Variants in FOXP2 observed in about 807,000 individuals in gnomAD.
FOXP2 encodes the protein forkhead box P2.
A neutral mutation model predicts 115.8 loss-of-function variants in FOXP2; 12 were observed. That is an observed-to-expected ratio of 0.10 (90% CI 0.07 to 0.17). The LOEUF is 0.17. Ranked by LOEUF, FOXP2 falls within the 10% of genes least tolerant of loss-of-function variation. The pLI is 1.00. For missense variants in FOXP2, 629 were observed against 843.5 expected, an observed-to-expected ratio of 0.75 and a Z score of 3.15; for synonymous variants, 328 against 297.7, an observed-to-expected ratio of 1.10 and a Z score of -1.05.
At chr7:114,187,439 A>T (rs1160435918) in intron 1 of FOXP2, among the ~76,000 whole-genome samples, 4 of 152,124 alleles carry the variant, frequency 2.6e-5, no homozygotes, top group Non-Finnish European at 5.9e-5. Context: ...TCTGTCTCAG[A>T]TTTCAGTACC....
At chr7:114,530,274 T>G (rs1446505003) in intron 2 of FOXP2, among the ~76,000 whole-genome samples, 15 of 151,956 alleles carry the variant, frequency 9.9e-5, no homozygotes, top group Admixed American at 9.9e-4. Context: ...AGTGTTTTTC[T>G]CAGAGATGAA....
At chr7:114,229,334 C>T (rs1794815878) in intron 1 of FOXP2, among the ~76,000 whole-genome samples, 2 of 151,480 alleles carry the variant, frequency 1.3e-5, no homozygotes, top group Admixed American at 6.6e-5. Context: ...TTTCAGTACT[C>T]ACTTTCAATA....
intron 1 of FOXP2, among the ~76,000 whole-genome samples, chr7:114,182,482 G>T (rs1307714017): frequency 6.6e-6 from 1 of 151,886 alleles, no homozygotes; most frequent in Non-Finnish European, 1.5e-5. Flanking sequence ...CTCTATTTTA[G>T]GACTTGTTTT....
chr7:114,563,062 TC>T (rs1800830746), intron 3 of FOXP2, among the ~76,000 whole-genome samples: 2 of 152,178 alleles, frequency 1.3e-5, no homozygotes, highest in Admixed American at 6.5e-5. Flanking sequence ...GCAGGGACAC[TC>T]CCTTTTATAA....
At chr7:114,364,924 G>A (rs1350327570) in intron 2 of FOXP2, among the ~76,000 whole-genome samples, 1 of 152,154 alleles carries the variant, frequency 6.6e-6, no homozygotes, top group Non-Finnish European at 1.5e-5. Flanking sequence ...TTGGAAGTCT[G>A]TGTGCTTTAA....
chr7:114,215,213 T>C (rs1418270113), intron 1 of FOXP2, among the ~76,000 whole-genome samples: 1 of 152,164 alleles, frequency 6.6e-6, no homozygotes, highest in Non-Finnish European at 1.5e-5. Flanking sequence ...ACACAAATAC[T>C]TCTTTTGTTG....
At chr7:114,091,314 T>C (rs1363576985) in intron 1 of FOXP2, among the ~76,000 whole-genome samples, 4 of 151,838 alleles carry the variant, frequency 2.6e-5, no homozygotes. Flanking sequence ...AGAGAAGATT[T>C]AGATTTCTTA....
intron 8 of FOXP2, among the ~76,000 whole-genome samples, chr7:114,650,856 T>G (rs1167161334): frequency 6.6e-6 from 1 of 152,066 alleles, no homozygotes; most frequent in Non-Finnish European, 1.5e-5. Context: ...GAGGTTTTGT[T>G]GTTATGATCA....
At chr7:114,151,508 G>A (rs1792527726) in intron 1 of FOXP2, among the ~76,000 whole-genome samples, 1 of 151,866 alleles carries the variant, frequency 6.6e-6, no homozygotes, top group Non-Finnish European at 1.5e-5. Flanking sequence ...CAAGGTTTTT[G>A]TTCTTAATCA....
At chr7:114,629,674 A>AT in intron 4 of FOXP2, 131 bp from the exon 5 acceptor site, 1 of 1,601,592 alleles carries the variant, frequency 6.2e-7, no homozygotes, top group Non-Finnish European at 8.5e-7. Context: ...AATCCAATGT[A>AT]TATTTTTTGT....
intron 1 of FOXP2, among the ~76,000 whole-genome samples, chr7:114,145,740 C>T (rs1792354167): frequency 6.6e-6 from 1 of 151,994 alleles, no homozygotes; most frequent in South Asian, 2.1e-4. Flanking sequence ...GTAATAACTG[C>T]AGAGAACATA....
At chr7:114,434,457 A>T (rs1287851380) in intron 2 of FOXP2, among the ~76,000 whole-genome samples, 2 of 150,590 alleles carry the variant, frequency 1.3e-5, no homozygotes, top group Non-Finnish European at 3.0e-5. Context: ...GGGATAAGGT[A>T]CAGCAATTTG....
chr7:114,393,196 G>T (rs1410123807), intron 2 of FOXP2, among the ~76,000 whole-genome samples: 2 of 150,098 alleles, frequency 1.3e-5, no homozygotes, highest in African/African-American at 4.9e-5. Context: ...AGCCAAAGTA[G>T]TTATAATATT....
intron 2 of FOXP2, among the ~76,000 whole-genome samples, chr7:114,492,054 G>A (rs1038382599): frequency 3.9e-5 from 6 of 152,038 alleles, no homozygotes; most frequent in Admixed American, 6.6e-5. Context: ...ACTTTTTTTG[G>A]TTGGTAAGCT....
At chr7:114,513,164 G>C (rs1412691054) in intron 2 of FOXP2, among the ~76,000 whole-genome samples, 2 of 152,092 alleles carry the variant, frequency 1.3e-5, no homozygotes, top group African/African-American at 2.4e-5. Flanking sequence ...TCATAATACA[G>C]TTTGAGGAGA....
chr7:114,321,346 C>T (rs1052684121), intron 2 of FOXP2, among the ~76,000 whole-genome samples: 2 of 151,694 alleles, frequency 1.3e-5, no homozygotes, highest in African/African-American at 4.8e-5. Context: ...CTACAAGTGC[C>T]CGCCACCACG....
intron 3 of FOXP2, among the ~76,000 whole-genome samples, chr7:114,560,376 C>A (rs1276428552): frequency 1.3e-5 from 2 of 152,054 alleles, no homozygotes; most frequent in Non-Finnish European, 2.9e-5. Flanking sequence ...GATGCAGAGG[C>A]GGGTGGATCC....
chr7:114,358,396 G>C (rs922841634), intron 2 of FOXP2, among the ~76,000 whole-genome samples: 6 of 152,172 alleles, frequency 3.9e-5, no homozygotes, highest in African/African-American at 1.4e-4. Context: ...GTGGGGCGCT[G>C]CTATAAGGAT....
chr7:114,627,808 A>G (rs1212295544), intron 3 of FOXP2, among the ~76,000 whole-genome samples: 1 of 152,142 alleles, frequency 6.6e-6, no homozygotes, highest in Non-Finnish European at 1.5e-5. Flanking sequence ...TGTACTTCCT[A>G]TTATAAGCTC....
Sources: gnomAD v4.1 joint callset for allele counts (sites outside exome capture counted in the v4.1 genomes callset) on GRCh38, gnomAD v4.1.1 for gene constraint, MANE v1.5 for transcripts, NCBI Gene and HGNC (gene_info 2026-07-23, HGNC 2026-07-21) for gene names.